TENM4: variants seen among roughly 807,000 people sequenced by gnomAD.
TENM4 encodes teneurin transmembrane protein 4.
TENM4 carries 82 observed loss-of-function variants against 243.3 expected under a neutral mutation model. The ratio of observed to expected loss-of-function variants is 0.34; its 90% CI spans 0.28 to 0.40. The LOEUF (loss-of-function observed/expected upper bound fraction) is 0.40, where lower values mean the gene tolerates loss of function less well. Among genes scored for constraint, TENM4 ranks in the 10% least tolerant of loss-of-function variants. The pLI is 1.00. For missense variants in TENM4, 3,138 were observed against 3,673.3 expected (o/e 0.85, Z 3.77); for synonymous variants, 1,412 against 1,456.3 (o/e 0.97, Z 0.69).
At chr11:78,706,004 T>A (rs1217052570) in intron 27 of TENM4, among the ~76,000 whole-genome samples, 1 of 152,254 alleles carries the variant, frequency 6.6e-6, no homozygotes, top group Non-Finnish European at 1.5e-5. Flanking sequence ...CATAATTTCA[T>A]TAAAAAATTC....
chr11:78,686,983 G>A (rs535212247), intron 29 of TENM4, among the ~76,000 whole-genome samples: 1 of 152,320 alleles, frequency 6.6e-6, no homozygotes, highest in South Asian at 2.1e-4. Flanking sequence ...GAATCCAATA[G>A]TATTGCTTAT....
At chr11:79,388,978 C>A (rs1317211659) in intron 1 of TENM4, among the ~76,000 whole-genome samples, 1 of 152,086 alleles carries the variant, frequency 6.6e-6, no homozygotes, top group Non-Finnish European at 1.5e-5. Context: ...AGGCTGGACA[C>A]AAGAAGAGCC....
chr11:79,380,740 T>C (rs1857983647), intron 1 of TENM4, among the ~76,000 whole-genome samples: 2 of 152,148 alleles, frequency 1.3e-5, no homozygotes, highest in Admixed American at 1.3e-4. Context: ...AGGAAACAGA[T>C]TTTGGGAAAT....
intron 2 of TENM4, among the ~76,000 whole-genome samples, chr11:79,224,992 GAT>G (rs1298434054): frequency 6.6e-6 from 1 of 151,974 alleles, no homozygotes; most frequent in African/African-American, 2.4e-5. Context: ...CACAGAGACA[GAT>G]ATACACACAG....
intron 4 of TENM4, among the ~76,000 whole-genome samples, chr11:79,115,664 C>T (rs1380055034): frequency 6.6e-6 from 1 of 152,172 alleles, no homozygotes; most frequent in African/African-American, 2.4e-5. Flanking sequence ...TCTTAATGTT[C>T]CATGCTGGCC....
rs564706731 is a variant in TENM4 at position 79,287,198 on chromosome 11, C to T, written c.-265+10290G>A. ...CTTGGAGGGATCATGAGAGTGTTCT[C>T]GTTTTATAAAACCAGCACATGGGGC... On this transcript the variant is annotated intron_variant, in intron 2 of 33. Transcript: ENST00000278550. Among the ~76,000 whole-genome samples, 13 of 152,256 alleles carry T rather than the reference C, an allele frequency of 8.5e-5. No homozygotes were observed. In the South Asian group the frequency reaches 1.2e-3, roughly 15 times the overall value.
intron 6 of TENM4, among the ~76,000 whole-genome samples, chr11:78,969,782 C>A (rs1040321306): frequency 1.3e-5 from 2 of 152,148 alleles, no homozygotes; most frequent in African/African-American, 2.4e-5. Flanking sequence ...ATCGGAAGAG[C>A]TTCCTAATAA....
intron 29 of TENM4, among the ~76,000 whole-genome samples, chr11:78,677,031 G>T (rs1323343555): frequency 2.0e-5 from 3 of 152,260 alleles, no homozygotes; most frequent in Admixed American, 2.0e-4. Context: ...TCTTTGCGGT[G>T]ATAAACATGT....
At position 78,812,332 on chromosome 11, in the gene TENM4, C is replaced by T. The variant is rs1219037393; in HGVS notation, c.1784-16G>A. 4.5e-6 allele frequency: 7 copies of T among 1,548,024 alleles called. No individual in the cohort carries two copies. Among genetic ancestry groups the T allele is most frequent in the East Asian group, 2.5e-5 (1 of 40,758 alleles). ...GGGCAGGAGGCTGGGGAGACAGCAC[C>T]GGAGTCTGGCATGAATCAATGTCCA... On this transcript the variant is annotated splice_polypyrimidine_tract_variant and intron_variant, in intron 13 of 33. Coordinates refer to ENST00000278550, the MANE Select transcript of TENM4 (RefSeq NM_001098816.3).
chr11:79,356,225 T>C (rs1335283539), intron 1 of TENM4, among the ~76,000 whole-genome samples: 3 of 151,990 alleles, frequency 2.0e-5, no homozygotes, highest in Non-Finnish European at 4.4e-5. Context: ...TCTGCAAGAG[T>C]GTGGGGTAGT....
chr11:78,936,015 T>C (rs1405749058), intron 6 of TENM4, among the ~76,000 whole-genome samples: 9 of 152,226 alleles, frequency 5.9e-5, no homozygotes, highest in Admixed American at 5.9e-4. Flanking sequence ...ATTCACTTAA[T>C]GTAACAGTTC....
At chr11:79,116,882 G>C (rs961891981) in intron 4 of TENM4, among the ~76,000 whole-genome samples, 2 of 152,150 alleles carry the variant, frequency 1.3e-5, no homozygotes, top group Non-Finnish European at 2.9e-5. Flanking sequence ...AAGAGAAATG[G>C]GGGGAAAGGT....
chr11:79,387,125 G>A (rs1335056705), intron 1 of TENM4, among the ~76,000 whole-genome samples: 1 of 152,164 alleles, frequency 6.6e-6, no homozygotes, highest in East Asian at 1.9e-4. Context: ...CAAACACAAT[G>A]TTGAGTAAAA....
chr11:79,006,172 TCAC>T (rs1858479505), intron 6 of TENM4, among the ~76,000 whole-genome samples: 2 of 152,282 alleles, frequency 1.3e-5, no homozygotes, highest in East Asian at 3.9e-4. Context: ...AATGTTTTCC[TCAC>T]CACTTCTCTT....
intron 2 of TENM4, among the ~76,000 whole-genome samples, chr11:79,229,305 A>G (rs1336064073): frequency 1.3e-5 from 2 of 152,360 alleles, no homozygotes; most frequent in South Asian, 4.1e-4. Flanking sequence ...TCAGAAGACC[A>G]AAAAGCCCTC....
chr11:79,219,193 T>A (rs1200314445), intron 2 of TENM4, among the ~76,000 whole-genome samples: 2 of 151,964 alleles, frequency 1.3e-5, no homozygotes, highest in Non-Finnish European at 1.5e-5. Flanking sequence ...AGGAGAGGCA[T>A]GGGAGGTAAA....
chr11:78,756,885 G>C lies in TENM4; in HGVS notation c.2676C>G (p.His892Gln). The stretch of plus-strand genomic sequence containing the variant: ...GGAACTTGATGCGGTCATAGAAGGA[G>C]TGTAGGTTCTGCTGTGACACAGGGA... The part of the protein sequence containing the change: ...TQVPVSQQNL[H>Q]SFYDRIKFLV... Residue 892 changes from histidine to glutamine, a missense_variant, in exon 19 of 34, where the codon CAC becomes CAG. Around this residue, in one of 2 missense-constraint regions of TENM4, gnomAD observed 2,467 missense variants for 3,059.1 expected, o/e 0.81. Transcript: ENST00000278550. The C allele has an allele frequency of 6.2e-7, 1 of 1,613,972 alleles. No individual in the cohort carries two copies.
rs534138273 is a variant in TENM4 at position 78,775,678 on chromosome 11, G to A, written c.2392+2924C>T. Among the ~76,000 whole-genome samples, 4 of 152,308 alleles carry A rather than the reference G, an allele frequency of 2.6e-5. No individual in the cohort carries two copies. The East Asian group carries it at 7.7e-4, about 29-fold the overall frequency. ...CAATATGCCCGTCCTTACCCACTGA[G>A]GCTAGTTCCGCAAACCCTGAAACTC... On this transcript the variant is annotated intron_variant, in intron 17 of 33. Coordinates refer to ENST00000278550, the MANE Select transcript of TENM4 (RefSeq NM_001098816.3).
intron 6 of TENM4, chr11:79,064,464 C>T (rs1382451101): frequency 1.8e-5 from 8 of 449,654 alleles, no homozygotes; most frequent in Non-Finnish European, 4.1e-6. Context: ...CCTCTCTGCT[C>T]CCCTGCACAC....
Sources: allele counts gnomAD v4.1 joint callset (sites outside exome capture counted in the v4.1 genomes callset), GRCh38; gene constraint gnomAD v4.1.1; regional missense constraint gnomAD v4.1.1; transcripts MANE v1.5; gene names NCBI Gene and HGNC (gene_info 2026-07-23, HGNC 2026-07-21).